EEF1AKMT2: variants seen among roughly 807,000 people sequenced by gnomAD.
EEF1AKMT2 encodes the protein eukaryotic translation elongation factor 1 alpha lysine methyltransferase 2.
A neutral mutation model predicts 35.8 loss-of-function variants in EEF1AKMT2; 32 were observed. That is an observed-to-expected ratio of 0.89 (90% CI 0.67 to 1.20). The LOEUF (loss-of-function observed/expected upper bound fraction) is 1.20. Among genes scored for constraint, EEF1AKMT2 ranks in the 50% most tolerant of loss-of-function variants. The pLI, the probability that EEF1AKMT2 is intolerant of heterozygous loss-of-function variation, is 0.00. For missense variants in EEF1AKMT2, 330 were observed against 347.5 expected, an observed-to-expected ratio of 0.95 and a Z score of 0.40; for synonymous variants, 121 against 133.7, an observed-to-expected ratio of 0.91 and a Z score of 0.65.
At position 124,777,281 on chromosome 10, in the gene EEF1AKMT2, A is replaced by G. The variant is rs1397599852; in HGVS notation, c.292-2499T>C. Among the ~76,000 whole-genome samples the G allele has an allele frequency of 1.5e-4, 21 of 144,724 alleles. 1 individual carries two copies. The highest frequency in any genetic ancestry group is 1.2e-3 in the Admixed American group (17 of 14,648). 94.9% of individuals were successfully genotyped at this position (144,724 alleles called of 152,430 possible). ...GCTACAAGAGCAAAACTCTGACTCA[A>G]AAAAAAAAAAAAAAAGAAAAAAAGA... On this transcript the variant is annotated intron_variant, in intron 3 of 6. Coordinates refer to ENST00000368836, the MANE Select transcript of EEF1AKMT2 (RefSeq NM_212554.4).
Position 124,790,314 on chromosome 10 carries a change from TTC to T in EEF1AKMT2, c.133_134del (p.Glu45ThrfsTer12). On this transcript the variant is annotated frameshift_variant, in exon 2 of 7. Transcript: ENST00000368836. LOFTEE classifies it high-confidence loss of function. ...CTCCATATTCTCGGAAAGTTTGCAG[TTC>T]TCTCTCATAGACAGCATCCCAACTA... ...REHWDAVYER[E>X]LQTFREYGDT... 6.2e-7 allele frequency: 1 copy of T among 1,612,712 alleles called. No homozygotes were observed. The highest frequency in any genetic ancestry group is 1.7e-4 in the Middle Eastern group (1 of 6,058).
chr10:124,789,791 A>G (rs1950618473), intron 2 of EEF1AKMT2, among the ~76,000 whole-genome samples: 1 of 152,004 alleles, frequency 6.6e-6, no homozygotes, highest in South Asian at 2.1e-4. Flanking sequence ...AAATTAAAAA[A>G]GAATAAAAGA....
chr10:124,769,218 C>CACAAAAAAAAAAAAAAAAAAAA lies in EEF1AKMT2; in HGVS notation c.400-3611_400-3610insTTTTTTTTTTTTTTTTTTTTGT. Reference sequence around the variant, plus strand: ...GGGCTACAGGGCAAGACACTGTCTCCAAAAAAAAAAAAAAAATATATATAT... The same window carrying CACAAAAAAAAAAAAAAAAAAAA: ...GGGCTACAGGGCAAGACACTGTCTCCACAAAAAAAAAAAAAAAAAAAAAAAAAAAAAAAAAAAATATATATAT... On this transcript the variant is annotated intron_variant, in intron 4 of 6. Transcript: ENST00000368836. 4.5e-3 allele frequency among the ~76,000 whole-genome samples: 141 copies of CACAAAAAAAAAAAAAAAAAAAA among 31,284 alleles called. 63 individuals carry two copies. The highest frequency in any genetic ancestry group is 0.071 in the Middle Eastern group (2 of 28). The allele number at this position is 31,284 out of a possible 152,430, so 20.5% of individuals were successfully genotyped here.
intron 4 of EEF1AKMT2, among the ~76,000 whole-genome samples, chr10:124,771,810 A>AGT (rs1451193483): frequency 6.6e-6 from 1 of 152,164 alleles, no homozygotes; most frequent in Non-Finnish European, 1.5e-5. Flanking sequence ...CAGAGCTTGC[A>AGT]GTGAGCTGAG....
At chr10:124,789,573 C>G (rs1950616640) in intron 2 of EEF1AKMT2, among the ~76,000 whole-genome samples, 1 of 152,030 alleles carries the variant, frequency 6.6e-6, no homozygotes, top group Non-Finnish European at 1.5e-5. Context: ...CCCTGGGTAA[C>G]ACAGTGAGAC....
chr10:124,790,450 C>A (rs1371934160), intron 1 of EEF1AKMT2, 112 bp from the exon 2 acceptor site: 1 of 749,418 alleles, frequency 1.3e-6, no homozygotes, highest in Non-Finnish European at 2.3e-6. Flanking sequence ...TTAAACATCA[C>A]TAGTGTTATT....
At chr10:124,780,203 T>C (rs542843131) in intron 3 of EEF1AKMT2, among the ~76,000 whole-genome samples, 1 of 152,226 alleles carries the variant, frequency 6.6e-6, no homozygotes, top group Non-Finnish European at 1.5e-5. Context: ...AATGTGGCTG[T>C]ATTCCAACAA....
At chr10:124,786,487 C>A (rs1204897046) in intron 3 of EEF1AKMT2, among the ~76,000 whole-genome samples, 1 of 147,162 alleles carries the variant, frequency 6.8e-6, no homozygotes, top group Non-Finnish European at 1.5e-5. Context: ...GCCTGGGGGA[C>A]AGAGTGAGAC....
chr10:124,786,211 A>G (rs1009439118), intron 3 of EEF1AKMT2, among the ~76,000 whole-genome samples: 7 of 152,090 alleles, frequency 4.6e-5, no homozygotes, highest in African/African-American at 1.4e-4. Context: ...CTACACTTCA[A>G]TTAAGAATTT....
At chr10:124,788,613 C>T (rs77634202) in intron 3 of EEF1AKMT2, among the ~76,000 whole-genome samples, 2 of 150,490 alleles carry the variant, frequency 1.3e-5, no homozygotes, top group Non-Finnish European at 3.0e-5. Context: ...GAATGTTTAC[C>T]GAAACACAGT....
At chr10:124,766,406 T>TA (rs1950378419) in intron 4 of EEF1AKMT2, 1 of 152,228 alleles carries the variant, frequency 6.6e-6, no homozygotes, top group Non-Finnish European at 1.5e-5. Flanking sequence ...AAACTGTAAT[T>TA]ACTTCAGTTG....
At chr10:124,788,592 A>G (rs1950607030) in intron 3 of EEF1AKMT2, among the ~76,000 whole-genome samples, 1 of 151,800 alleles carries the variant, frequency 6.6e-6, no homozygotes, top group South Asian at 2.1e-4. Flanking sequence ...GTGATGGTTT[A>G]GCTAGCAGTG....
chr10:124,784,346 A>T (rs1387237651), intron 3 of EEF1AKMT2, among the ~76,000 whole-genome samples: 4 of 152,088 alleles, frequency 2.6e-5, no homozygotes, highest in Non-Finnish European at 5.9e-5. Context: ...CTCGTGGATT[A>T]AAAAAAATTA....
intron 3 of EEF1AKMT2, among the ~76,000 whole-genome samples, chr10:124,788,710 T>TTATATATATATATATATATATATA (rs146577563): frequency 0.046 from 4,200 of 91,254 alleles, 452 homozygotes; most frequent in South Asian, 0.077. Context: ...AAGGTCATCT[T>TTATATATATATATATATATATATA]TATATATATA....
chr10:124,779,557 T>A (rs186688214), intron 3 of EEF1AKMT2, among the ~76,000 whole-genome samples: 1,719 of 150,432 alleles, frequency 0.011, 28 homozygotes, highest in African/African-American at 0.04. Context: ...CCATCCTGGC[T>A]AACACAGTGA....
Position 124,759,672 on chromosome 10 carries a change from C to A in EEF1AKMT2, c.*831G>T, listed in dbSNP as rs919801858. 1.3e-5 allele frequency: 2 copies of A among 152,192 alleles called. No individual in the cohort carries two copies. Among genetic ancestry groups the A allele is most frequent in the African/African-American group, 4.8e-5 (2 of 41,460 alleles). 9.4% of individuals were successfully genotyped at this position (152,192 alleles called of 1,614,324 possible). On this transcript the variant is annotated 3_prime_UTR_variant, in exon 7 of 7. Coordinates refer to ENST00000368836, the MANE Select transcript of EEF1AKMT2 (RefSeq NM_212554.4). The stretch of plus-strand genomic sequence containing the variant: ...TTCTCTCAGCTTCATTTTCCTTATA[C>A]GTAGAAACAAGAACAAGCAATACAT...
chr10:124,790,332 A>C lies in EEF1AKMT2; in HGVS notation c.117T>G (p.Asp39Glu). The C allele has an allele frequency of 6.2e-7, 1 of 1,609,060 alleles. No homozygotes were observed. The highest frequency in any genetic ancestry group is 1.1e-5 in the South Asian group (1 of 90,970). The change falls in exon 2 of 7, where the codon GAT becomes GAG. Residue 39 changes from aspartate to glutamate, a missense_variant. Physicochemically the swap from Asp to Glu is conservative, Grantham distance 45. Coordinates refer to ENST00000368836, the MANE Select transcript of EEF1AKMT2 (RefSeq NM_212554.4). ...TTTGCAGTTCTCTCTCATAGACAGC[A>C]TCCCAACTATGTAAACAATGAAATG... is the stretch of plus-strand genomic sequence containing the variant. Reference protein sequence around the residue: ...PSALGTREHWDAVYERELQTF... With the variant: ...PSALGTREHWEAVYERELQTF...
chr10:124,779,924 G>T (rs1467415427), intron 3 of EEF1AKMT2, among the ~76,000 whole-genome samples: 2 of 151,620 alleles, frequency 1.3e-5, no homozygotes, highest in African/African-American at 4.8e-5. Flanking sequence ...TTAGCCAGGC[G>T]TGGTGGCGGG....
intron 3 of EEF1AKMT2, among the ~76,000 whole-genome samples, chr10:124,785,895 CA>C (rs34637624): frequency 0.024 from 1,399 of 59,434 alleles, 7 homozygotes; most frequent in African/African-American, 0.094. Context: ...GACTCTGTCT[CA>C]AAAAAAAAAA....
Sources: gnomAD v4.1 joint callset for allele counts (sites outside exome capture counted in the v4.1 genomes callset) on GRCh38, gnomAD v4.1.1 for gene constraint, MANE v1.5 for transcripts, NCBI Gene and HGNC (gene_info 2026-07-23, HGNC 2026-07-21) for gene names.